Variants in NKAIN3 observed in about 807,000 individuals in gnomAD.
The protein encoded by NKAIN3 is sodium/potassium transporting ATPase interacting 3.
Under a neutral mutation model 30.2 loss-of-function variants are expected in NKAIN3, and 25 were observed. The ratio of observed to expected loss-of-function variants is 0.83; its 90% CI spans 0.60 to 1.16. NKAIN3 has a LOEUF of 1.16. NKAIN3 is among the 50% of genes most tolerant of loss of function. The probability of loss-of-function intolerance (pLI) is 0.00; values close to 1 mark genes in which losing one functional copy is unlikely to be tolerated. For synonymous variants in NKAIN3, 91 were observed against 89.6 expected (o/e 1.02, Z -0.09); for missense variants, 225 against 254.1 (o/e 0.89, Z 0.78).
chr8:62,999,001 GC>G (rs1379852756), intron 5 of NKAIN3, among the ~76,000 whole-genome samples: 1 of 152,098 alleles, frequency 6.6e-6, no homozygotes, highest in Admixed American at 6.5e-5. Context: ...GAACCTGTTG[GC>G]CTTTTTAAAT....
At chr8:62,610,753 T>C (rs1489942892) in intron 3 of NKAIN3, among the ~76,000 whole-genome samples, 2 of 152,176 alleles carry the variant, frequency 1.3e-5, no homozygotes, top group African/African-American at 4.8e-5. Flanking sequence ...TTGTGTTTCC[T>C]ACTTTGTTGC....
chr8:62,506,476 CTT>C (rs71255341), intron 1 of NKAIN3, among the ~76,000 whole-genome samples: 1 of 98,432 alleles, frequency 1.0e-5, no homozygotes. Context: ...TTCTTTCTTT[CTT>C]TTTTTTTTTT....
At chr8:62,868,214 T>A (rs1318036902) in intron 4 of NKAIN3, among the ~76,000 whole-genome samples, 1 of 152,210 alleles carries the variant, frequency 6.6e-6, no homozygotes, top group Non-Finnish European at 1.5e-5. Flanking sequence ...GCTTTACAAC[T>A]GCTTTAAATA....
At position 62,971,501 on chromosome 8, in the gene NKAIN3, T is replaced by C. The variant is rs1356024709; in HGVS notation, c.*6094T>C. 1.3e-5 allele frequency among the ~76,000 whole-genome samples: 2 copies of C among 151,730 alleles called. No homozygotes were observed. Among genetic ancestry groups the C allele is most frequent in the African/African-American group, 4.8e-5 (2 of 41,308 alleles). ...AAAATACAAAAACCAGCTGTGGCGG[T>C]GTGTGCCTATAGTCCCAGCTACTTG... On this transcript the variant is annotated 3_prime_UTR_variant, in exon 7 of 7. Transcript: ENST00000623646.
chr8:62,357,580 T>G (rs558789018), intron 1 of NKAIN3, among the ~76,000 whole-genome samples: 1 of 152,240 alleles, frequency 6.6e-6, no homozygotes, highest in African/African-American at 2.4e-5. Context: ...TAAATGAAAT[T>G]TTTTTTGTTT....
At chr8:62,528,329 A>AT (rs1808377926) in intron 1 of NKAIN3, among the ~76,000 whole-genome samples, 1 of 31,548 alleles carries the variant, frequency 3.2e-5, no homozygotes, top group African/African-American at 1.4e-4. Flanking sequence ...TATATAATAT[A>AT]TATATTATAT....
intron 4 of NKAIN3, among the ~76,000 whole-genome samples, chr8:62,794,460 T>A (rs1354875917): frequency 6.6e-6 from 1 of 152,186 alleles, no homozygotes; most frequent in Non-Finnish European, 1.5e-5. Context: ...AGTCCTGGAT[T>A]CTGAAGCGGC....
intron 5 of NKAIN3, among the ~76,000 whole-genome samples, chr8:62,927,342 G>T (rs747820171): frequency 4.6e-5 from 7 of 151,986 alleles, no homozygotes; most frequent in Non-Finnish European, 8.8e-5. Context: ...TTTCTCCCCT[G>T]GATTTCCAGA....
At chr8:62,744,848 T>A (rs1286284101) in intron 3 of NKAIN3, among the ~76,000 whole-genome samples, 2 of 152,190 alleles carry the variant, frequency 1.3e-5, no homozygotes, top group African/African-American at 4.8e-5. Context: ...ATCAATAAAG[T>A]GCTACAACTG....
At chr8:62,790,420 C>T (rs1261453302) in intron 4 of NKAIN3, among the ~76,000 whole-genome samples, 1 of 152,082 alleles carries the variant, frequency 6.6e-6, no homozygotes, top group East Asian at 1.9e-4. Context: ...GATGCCCTCT[C>T]TTATCATCCT....
chr8:62,970,407 A>C lies in NKAIN3; in HGVS notation c.*5000A>C, dbSNP rs1288608407. On this transcript the variant is annotated 3_prime_UTR_variant, in exon 7 of 7. Transcript: ENST00000623646. ...AAAATGCCACTTCTTGAAGGTGGATACAGCTTCTTAAATATTGGTATTTGT... is the reference window on the plus strand; with the variant it reads ...AAAATGCCACTTCTTGAAGGTGGATCCAGCTTCTTAAATATTGGTATTTGT... Among the ~76,000 whole-genome samples, 1 of 152,220 alleles carries C rather than the reference A, an allele frequency of 6.6e-6. No homozygotes were observed. The highest frequency in any genetic ancestry group is 2.4e-5 in the African/African-American group (1 of 41,466).
intron 4 of NKAIN3, chr8:62,856,922 C>G: frequency 1.7e-6 from 1 of 576,554 alleles, no homozygotes; most frequent in Non-Finnish European, 3.3e-6. Context: ...GTCAACTCAT[C>G]TTTACTCTGA....
At chr8:62,487,172 TC>T (rs530674245) in intron 1 of NKAIN3, among the ~76,000 whole-genome samples, 113 of 152,314 alleles carry the variant, frequency 7.4e-4, no homozygotes, top group African/African-American at 2.7e-3. Context: ...GACTGCTGGC[TC>T]CCCGTTTACC....
At chr8:62,869,516 C>A (rs1265656354) in intron 4 of NKAIN3, among the ~76,000 whole-genome samples, 1 of 152,186 alleles carries the variant, frequency 6.6e-6, no homozygotes, top group Non-Finnish European at 1.5e-5. Context: ...GGAAATGTTT[C>A]TCCAATAGGC....
intron 1 of NKAIN3, among the ~76,000 whole-genome samples, chr8:62,263,119 A>G (rs1277699644): frequency 1.3e-5 from 2 of 152,198 alleles, no homozygotes; most frequent in African/African-American, 2.4e-5. Flanking sequence ...TCACATTTAG[A>G]GGACCACATC....
chr8:62,851,551 G>C lies in NKAIN3; in HGVS notation c.472-66902G>C, dbSNP rs548179166. On this transcript the variant is annotated intron_variant, in intron 4 of 6. Coordinates refer to ENST00000623646, the MANE Select transcript of NKAIN3 (RefSeq NM_001304533.3). Reference sequence around the variant, plus strand: ...TCTTGTGCCGGTTTTCAAAGGGAATGCTTCCAGGTTTTGCCCATTCAATAT... The same window carrying C: ...TCTTGTGCCGGTTTTCAAAGGGAATCCTTCCAGGTTTTGCCCATTCAATAT... Among the ~76,000 whole-genome samples, 35 of 152,252 alleles carry C rather than the reference G, an allele frequency of 2.3e-4. No homozygotes were observed. The East Asian group carries it at 6.6e-3, about 29-fold the overall frequency.
At chr8:62,763,447 A>G (rs1335627831) in intron 4 of NKAIN3, among the ~76,000 whole-genome samples, 1 of 152,116 alleles carries the variant, frequency 6.6e-6, no homozygotes, top group Non-Finnish European at 1.5e-5. Flanking sequence ...GCTACAGGGA[A>G]GTGGTATTCT....
At chr8:62,672,682 C>T (rs59260185) in intron 3 of NKAIN3, among the ~76,000 whole-genome samples, 15,897 of 152,130 alleles carry the variant, frequency 0.1, 937 homozygotes, top group East Asian at 0.26. Context: ...TCATTGTCTC[C>T]CCCATTCCTA....
intron 3 of NKAIN3, among the ~76,000 whole-genome samples, chr8:62,601,798 T>TA (rs35762564): frequency 9.9e-5 from 15 of 152,050 alleles, no homozygotes; most frequent in Non-Finnish European, 4.4e-5. Flanking sequence ...TATATTCTTT[T>TA]AAAAAATAGC....
Sources: allele counts gnomAD v4.1 joint callset (sites outside exome capture counted in the v4.1 genomes callset), GRCh38; gene constraint gnomAD v4.1.1; transcripts MANE v1.5; gene names NCBI Gene and HGNC (gene_info 2026-07-23, HGNC 2026-07-21).